Variants in KSR2 observed in about 807,000 individuals in gnomAD.
KSR2 encodes kinase suppressor of ras 2.
KSR2 carries 25 observed loss-of-function variants against 107.8 expected under a neutral mutation model. That is an observed-to-expected ratio of 0.23 (90% confidence interval 0.17 to 0.32). The LOEUF is 0.32. KSR2 is among the 10% of genes least tolerant of loss of function. The probability of loss-of-function intolerance (pLI) is 1.00; values close to 1 mark genes in which losing one functional copy is unlikely to be tolerated. For synonymous variants in KSR2, 480 were observed against 507.0 expected, an observed-to-expected ratio of 0.95 and a Z score of 0.71; for missense variants, 887 against 1,268.9, an observed-to-expected ratio of 0.70 and a Z score of 4.57.
chr12:117,503,679 T>C (rs1873514122), intron 14 of KSR2, among the ~76,000 whole-genome samples: 1 of 152,206 alleles, frequency 6.6e-6, no homozygotes, highest in East Asian at 1.9e-4. Context: ...TAGGGTTGTT[T>C]GTCATTGCAG....
intron 4 of KSR2, among the ~76,000 whole-genome samples, chr12:117,754,542 G>A (rs1888720708): frequency 6.6e-6 from 1 of 152,150 alleles, no homozygotes; most frequent in Non-Finnish European, 1.5e-5. Context: ...GGAGGCTGAG[G>A]CAGGAGAATC....
chr12:117,966,077 C>T (rs1896778154), intron 1 of KSR2, among the ~76,000 whole-genome samples: 1 of 152,166 alleles, frequency 6.6e-6, no homozygotes, highest in African/African-American at 2.4e-5. Flanking sequence ...ACAACTGCAA[C>T]TCCCCCATAG....
chr12:117,889,172 C>T (rs1051663207), intron 1 of KSR2, among the ~76,000 whole-genome samples: 12 of 152,092 alleles, frequency 7.9e-5, no homozygotes, highest in East Asian at 3.8e-4. Context: ...GTGCCCCTTC[C>T]GCAGCTCAGA....
intron 3 of KSR2, among the ~76,000 whole-genome samples, chr12:117,803,166 T>A (rs1156249654): frequency 1.7e-4 from 26 of 151,764 alleles, no homozygotes. Context: ...CTTGTCAGAG[T>A]GATTTATTGG....
chr12:117,552,606 G>A (rs752025952), intron 9 of KSR2, among the ~76,000 whole-genome samples: 5 of 152,174 alleles, frequency 3.3e-5, no homozygotes, highest in Non-Finnish European at 7.3e-5. Context: ...GCTGAACCCA[G>A]GCTTTGACTC....
chr12:117,855,653 G>T, intron 2 of KSR2, 75 bp from the exon 3 acceptor site: 1 of 1,469,886 alleles, frequency 6.8e-7, no homozygotes, highest in Non-Finnish European at 9.4e-7. Flanking sequence ...CTGTAGTGGT[G>T]CCTAGAGGAG....
chr12:117,880,469 C>T (rs1274331753), intron 1 of KSR2, among the ~76,000 whole-genome samples: 1 of 151,918 alleles, frequency 6.6e-6, no homozygotes, highest in East Asian at 1.9e-4. Context: ...AGCCCCCCCA[C>T]CAAAGAGAAA....
chr12:117,601,295 T>TGGA (rs1555220699), intron 5 of KSR2, among the ~76,000 whole-genome samples: 2 of 134,354 alleles, frequency 1.5e-5, no homozygotes, highest in Non-Finnish European at 1.6e-5. Context: ...TCCAAGATCT[T>TGGA]GGGGGGGGGG....
At chr12:117,567,454 G>A (rs2136205861) in intron 7 of KSR2, among the ~76,000 whole-genome samples, 1 of 152,190 alleles carries the variant, frequency 6.6e-6, no homozygotes, top group Middle Eastern at 3.4e-3. Context: ...TCGTCATGAA[G>A]TTGGATTTCG....
intron 7 of KSR2, 145 bp downstream of exon 7, chr12:117,578,974 G>A: frequency 3.0e-6 from 2 of 670,518 alleles, no homozygotes; most frequent in African/African-American, 1.8e-5. Context: ...ACTTACAGGT[G>A]CATTTCCAAT....
In KSR2 at chr12:117,943,667, G is replaced by T. The variant is rs148959267; in HGVS notation, c.180+24409C>A. Reference sequence around the variant, plus strand: ...TAAAAAAATGAAGTACTAATACATGGGTGAAACTTGAAGACATTATGTTAA... The same window carrying T: ...TAAAAAAATGAAGTACTAATACATGTGTGAAACTTGAAGACATTATGTTAA... On this transcript the variant is annotated intron_variant, in intron 1 of 19. Transcript: ENST00000339824. Among the ~76,000 whole-genome samples the T allele has an allele frequency of 3.4e-3, 515 of 152,188 alleles. 3 individuals carry two copies. Among genetic ancestry groups the T allele is most frequent in the African/African-American group, 0.012 (492 of 41,536 alleles).
intron 1 of KSR2, among the ~76,000 whole-genome samples, chr12:117,966,332 T>C (rs985380715): frequency 1.5e-4 from 23 of 152,156 alleles, no homozygotes; most frequent in Admixed American, 6.6e-5. Context: ...ATTGACTGCA[T>C]GCAGGTCTGA....
At chr12:117,479,078 C>T (rs150602041) in intron 16 of KSR2, among the ~76,000 whole-genome samples, 2 of 152,280 alleles carry the variant, frequency 1.3e-5, no homozygotes, top group East Asian at 1.9e-4. Flanking sequence ...GCTGCAGTGA[C>T]ATTCACTAGC....
At position 117,968,501 on chromosome 12, in the gene KSR2, T is replaced by C. The variant is rs909031888; in HGVS notation, c.-246A>G. 3 of 1,265,428 alleles carry C rather than the reference T, an allele frequency of 2.4e-6. No homozygotes were observed. The highest frequency in any genetic ancestry group is 1.5e-5 in the African/African-American group (1 of 64,576). The allele number at this position is 1,265,428 out of a possible 1,614,324, so 78.4% of individuals were successfully genotyped here. On this transcript the variant is annotated 5_prime_UTR_variant, in exon 1 of 20. Coordinates refer to ENST00000339824, the MANE Select transcript of KSR2 (RefSeq NM_173598.6). ...TCCATTAGAATGTCTCCTCTCTCTC[T>C]GAGTCTCTGGTCCCTGAAAAGGAGA... is the stretch of plus-strand genomic sequence containing the variant.
intron 4 of KSR2, among the ~76,000 whole-genome samples, chr12:117,672,402 G>A (rs931710392): frequency 6.6e-5 from 10 of 152,102 alleles, no homozygotes; most frequent in Non-Finnish European, 1.5e-4. Context: ...TTCCTCATCT[G>A]GGCAATGGGG....
At chr12:117,870,436 A>G (rs1309318101) in intron 1 of KSR2, among the ~76,000 whole-genome samples, 3 of 152,076 alleles carry the variant, frequency 2.0e-5, no homozygotes, top group African/African-American at 7.2e-5. Context: ...CCCCATCTCT[A>G]TTAAAAATAC....
chr12:117,950,748 A>AT (rs60526774), intron 1 of KSR2, among the ~76,000 whole-genome samples: 28,337 of 130,294 alleles, frequency 0.22, 2,962 homozygotes, highest in Middle Eastern at 0.3. Flanking sequence ...AAAAAAAAAA[A>AT]AAATAATAAT....
At chr12:117,659,141 C>T (rs1213030114) in intron 5 of KSR2, among the ~76,000 whole-genome samples, 1 of 152,116 alleles carries the variant, frequency 6.6e-6, no homozygotes, top group Non-Finnish European at 1.5e-5. Context: ...AATGGGATTG[C>T]CCACTCTGAC....
At chr12:117,851,233 G>A (rs1395489983) in intron 3 of KSR2, among the ~76,000 whole-genome samples, 1 of 152,186 alleles carries the variant, frequency 6.6e-6, no homozygotes, top group African/African-American at 2.4e-5. Context: ...AGAGTCCAGA[G>A]GGAGGCCTAT....
Sources: gnomAD v4.1 joint callset for allele counts (sites outside exome capture counted in the v4.1 genomes callset) on GRCh38, gnomAD v4.1.1 for gene constraint, MANE v1.5 for transcripts, NCBI Gene and HGNC (gene_info 2026-07-23, HGNC 2026-07-21) for gene names.